The following SNX22 variants were observed in gnomAD, a reference collection of about 807,000 sequenced individuals.
SNX22 encodes sorting nexin-22.
SNX22 carries 23 observed loss-of-function variants against 24.7 expected under a neutral mutation model. The ratio of observed to expected loss-of-function variants is 0.93; its 90% confidence interval spans 0.67 to 1.32. The LOEUF is 1.32. Ranked by LOEUF, SNX22 falls within the 40% of genes most tolerant of loss-of-function variation. SNX22 has a pLI of 0.00. For synonymous variants in SNX22, 99 were observed against 104.0 expected (o/e 0.95, Z 0.29); for missense variants, 261 against 249.9 (o/e 1.04, Z -0.30).
chr15:64,153,202 T>C, intron 3 of SNX22, 43 bp from the exon 4 acceptor site: 4 of 1,611,680 alleles, frequency 2.5e-6, no homozygotes, highest in Non-Finnish European at 3.4e-6. Context: ...GCTATGCAAA[T>C]TAGTAGCTGG....
In SNX22 at chr15:64,153,732, G is replaced by C. The variant is rs141560509; in HGVS notation, c.392+48G>C. 2.9e-5 allele frequency: 46 copies of C among 1,613,272 alleles called. No individual in the cohort carries two copies. In the African/African-American group the frequency reaches 4.8e-4, roughly 17 times the overall value. Reference sequence around the variant, plus strand: ...GCTTGGCCCCTGCTGCCCCCTAGTGGCCATATGCTAGGAGGCAGGCCTGCT... The same window carrying C: ...GCTTGGCCCCTGCTGCCCCCTAGTGCCCATATGCTAGGAGGCAGGCCTGCT... On this transcript the variant is annotated intron_variant, in intron 5 of 6. Transcript: ENST00000325881.
chr15:64,155,510 CAAAA>C lies in SNX22; in HGVS notation c.*1023_*1026del, dbSNP rs3056904. On this transcript the variant is annotated 3_prime_UTR_variant, in exon 7 of 7. Transcript: ENST00000325881. Reference sequence around the variant, plus strand: ...GCAACATAGTGAGACCTGTCTCTACCAAAAAAAAAAAAAAAAAAAAAAAATCAAT... The same window carrying C: ...GCAACATAGTGAGACCTGTCTCTACCAAAAAAAAAAAAAAAAAAAATCAAT... 1.8e-4 allele frequency: 23 copies of C among 124,640 alleles called. No individual in the cohort carries two copies. In the South Asian group the frequency reaches 2.6e-3, roughly 14 times the overall value. The allele number at this position is 124,640 out of a possible 1,614,324, so 7.7% of individuals were successfully genotyped here.
rs1450092197 is a variant in SNX22, at chr15:64,152,291, AG to A, written c.126del (p.Arg42SerfsTer52). ...LCSGRRHTVP[R>X]RYSEFHALHK... Reference sequence around the variant, plus strand: ...CAGCGGGCGCAGACACACGGTGCCAAGGCGCTACAGCGAGTTCCACGCGCTG... The same window carrying A: ...CAGCGGGCGCAGACACACGGTGCCAAGCGCTACAGCGAGTTCCACGCGCTG... On this transcript the variant is annotated frameshift_variant, in exon 2 of 7. Coordinates refer to ENST00000325881, the MANE Select transcript of SNX22 (RefSeq NM_024798.3). LOFTEE classifies it high-confidence loss of function. 6.6e-7 allele frequency: 1 copy of A among 1,507,816 alleles called. No individual in the cohort carries two copies. The highest frequency in any genetic ancestry group is 8.8e-7 in the Non-Finnish European group (1 of 1,136,534). 93.4% of individuals were successfully genotyped at this position (1,507,816 alleles called of 1,614,324 possible). A position where few individuals can be genotyped will look rare whatever the true frequency, so the allele number is the denominator to read the frequency against.
In SNX22 at chr15:64,154,374, T is replaced by A. The variant is rs972331619; in HGVS notation, c.461-13T>A. ...CAGGTCTGAGGCCAGACCTGTTTAA[T>A]TCTATCCCACAGAGTCGCTGCCCAA... On this transcript the variant is annotated splice_polypyrimidine_tract_variant and intron_variant, in intron 6 of 6. Transcript: ENST00000325881. 3.1e-6 allele frequency: 5 copies of A among 1,614,110 alleles called. 1 individual carries two copies. The East Asian group carries it at 1.1e-4, about 36-fold the overall frequency.
rs770859303 is a variant in SNX22, at chr15:64,152,630, T to A, written c.160-8T>A. 7.4e-6 allele frequency: 12 copies of A among 1,613,400 alleles called. No individual in the cohort carries two copies. The South Asian group carries it at 1.3e-4, about 18-fold the overall frequency. On this transcript the variant is annotated splice_polypyrimidine_tract_variant and splice_region_variant and intron_variant, in intron 2 of 6. Transcript: ENST00000325881. The stretch of plus-strand genomic sequence containing the variant: ...ATGCTGTGATCGCACGCGGTAAACC[T>A]CCAGTAGATCAAGAAGCTGTACAAA...
chr15:64,152,817 C>A, intron 3 of SNX22, 75 bp downstream of exon 3: 2 of 1,370,842 alleles, frequency 1.5e-6, no homozygotes, highest in Non-Finnish European at 2.1e-6. Flanking sequence ...GGTGTGGGGG[C>A]ATGGCAGGGA....
rs2081532927 is a variant in SNX22 at position 64,156,528 on chromosome 15, G to A, written c.*2020G>A. The A allele has an allele frequency of 6.9e-6, 5 of 721,248 alleles. No individual in the cohort carries two copies. The East Asian group carries it at 1.0e-4, about 15-fold the overall frequency. The allele number at this position is 721,248 out of a possible 1,614,324, so 44.7% of individuals were successfully genotyped here. A position where few individuals can be genotyped will look rare whatever the true frequency, so the allele number is the denominator to read the frequency against. ...GGCAGTTGTGCAGCCTTCCTGGCTG[G>A]GCTCTGAGGGGGCTGGAAGAATTTA... On this transcript the variant is annotated 3_prime_UTR_variant, in exon 7 of 7. Coordinates refer to ENST00000325881, the MANE Select transcript of SNX22 (RefSeq NM_024798.3). The surrounding 1 kb of genome is among the most constrained non-coding windows in gnomAD (Gnocchi z 6.4).
At chr15:64,153,831 C>A (rs2140177428) in intron 5 of SNX22, 104 bp from the exon 6 acceptor site, 1 of 1,593,068 alleles carries the variant, frequency 6.3e-7, no homozygotes, top group South Asian at 1.1e-5. Flanking sequence ...TCCCACTCAC[C>A]TTTTCCTTCA....
In SNX22 at chr15:64,156,542, T is replaced by A. The variant is rs530310624; in HGVS notation, c.*2034T>A. On this transcript the variant is annotated 3_prime_UTR_variant, in exon 7 of 7. Coordinates refer to ENST00000325881, the MANE Select transcript of SNX22 (RefSeq NM_024798.3). This position sits in a 1 kb window ranked among gnomAD's most constrained non-coding sequence, Gnocchi z 6.4. Reference sequence around the variant, plus strand: ...CTTCCTGGCTGGGCTCTGAGGGGGCTGGAAGAATTTAGAACCTTGGAGGCA... The same window carrying A: ...CTTCCTGGCTGGGCTCTGAGGGGGCAGGAAGAATTTAGAACCTTGGAGGCA... 1 of 796,566 alleles carries A rather than the reference T, an allele frequency of 1.3e-6. No homozygotes were observed. The highest frequency in any genetic ancestry group is 1.7e-5 in the African/African-American group (1 of 59,194). The allele number at this position is 796,566 out of a possible 1,614,324, so 49.3% of individuals were successfully genotyped here. A position where few individuals can be genotyped will look rare whatever the true frequency, so the allele number is the denominator to read the frequency against.
intron 2 of SNX22, 68 bp downstream of exon 2, chr15:64,152,394 A>AGGCG: frequency 2.1e-6 from 3 of 1,439,394 alleles, no homozygotes; most frequent in Non-Finnish European, 2.8e-6. Flanking sequence ...AGGCCCTGTG[A>AGGCG]GGCGGGCGGG....
intron 4 of SNX22, 43 bp downstream of exon 4, chr15:64,153,382 A>G: frequency 6.2e-7 from 1 of 1,611,900 alleles, no homozygotes; most frequent in Non-Finnish European, 8.5e-7. Flanking sequence ...GTCAGCAGTG[A>G]GCAGGTGAGG....
intron 6 of SNX22, 120 bp downstream of exon 6, chr15:64,154,122 T>A: frequency 1.2e-6 from 2 of 1,606,428 alleles, no homozygotes; most frequent in Non-Finnish European, 1.7e-6. Context: ...CACTACCTCC[T>A]GCTCCTGTCC....
chr15:64,152,442 T>G, intron 2 of SNX22, 116 bp downstream of exon 2: 2 of 1,285,050 alleles, frequency 1.6e-6, no homozygotes, highest in Non-Finnish European at 2.1e-6. Flanking sequence ...ACTGCCTCAG[T>G]CCCTGCGCAG....
chr15:64,152,153 C>A, intron 1 of SNX22, 90 bp from the exon 2 acceptor site: 3 of 1,216,284 alleles, frequency 2.5e-6, no homozygotes, highest in Non-Finnish European at 2.1e-6. Flanking sequence ...CCTTTGAGAG[C>A]GGGAGGGTGG....
chr15:64,153,648 TC>T lies in SNX22; in HGVS notation c.360-3del. 3.1e-6 allele frequency: 5 copies of T among 1,614,064 alleles called. No homozygotes were observed. Among genetic ancestry groups the T allele is most frequent in the Non-Finnish European group, 4.2e-6 (5 of 1,180,000 alleles). On this transcript the variant is annotated splice_region_variant and splice_polypyrimidine_tract_variant and intron_variant, in intron 4 of 6. Coordinates refer to ENST00000325881, the MANE Select transcript of SNX22 (RefSeq NM_024798.3). ...GCAGCTTACAGTGTTTCTCTTCTCTTCAGCACCCTGAGGGAGTTCCTGCCTG... is the reference window on the plus strand; with the variant it reads ...GCAGCTTACAGTGTTTCTCTTCTCTTAGCACCCTGAGGGAGTTCCTGCCTG...
chr15:64,154,424 G>A lies in SNX22; in HGVS notation c.498G>A (p.Gln166=). 6.2e-7 allele frequency: 1 copy of A among 1,614,140 alleles called. No individual in the cohort carries two copies. Among genetic ancestry groups the A allele is most frequent in the Non-Finnish European group, 8.5e-7 (1 of 1,180,002 alleles). Residue 166 remains glutamine, a synonymous_variant, in exon 7 of 7, where the codon CAG becomes CAA. Coordinates refer to ENST00000325881, the MANE Select transcript of SNX22 (RefSeq NM_024798.3). ...ACGTGGTGGTGAATGGTGTGCTCCA[G>A]GGCCTCTACAGCTTCAGCATCAGCC... ...LPNVVVNGVL[Q]GLYSFSISPD...
In SNX22 at chr15:64,152,677, C is replaced by A; in HGVS notation, c.199C>A (p.Arg67Ser). The A allele has an allele frequency of 6.2e-7, 1 of 1,614,218 alleles. No homozygotes were observed. Among genetic ancestry groups the A allele is most frequent in the Non-Finnish European group, 8.5e-7 (1 of 1,180,036 alleles). ...CAAAGTGCCCGACTTCCCCTCGAAA[C>A]GCCTGCCCAACTGGAGGACCAGAGG... ...LYKVPDFPSKRLPNWRTRGLE... is the reference protein window; with the variant it reads ...LYKVPDFPSKSLPNWRTRGLE... Residue 67 changes from arginine (R) to serine (S), a missense_variant, in exon 3 of 7, where the codon CGC (arginine) becomes AGC (serine). Coordinates refer to ENST00000325881, the MANE Select transcript of SNX22 (RefSeq NM_024798.3).
In SNX22 at chr15:64,156,097, G is replaced by A. The variant is rs1251117783; in HGVS notation, c.*1589G>A. 3 of 1,614,076 alleles carry A rather than the reference G, an allele frequency of 1.9e-6. No individual in the cohort carries two copies. Among genetic ancestry groups the A allele is most frequent in the Non-Finnish European group, 2.5e-6 (3 of 1,180,036 alleles). On this transcript the variant is annotated 3_prime_UTR_variant, in exon 7 of 7. Coordinates refer to ENST00000325881, the MANE Select transcript of SNX22 (RefSeq NM_024798.3). The surrounding 1 kb of genome is among the most constrained non-coding windows in gnomAD (Gnocchi z 6.4). Reference sequence around the variant, plus strand: ...TCTGCGATGATCACATCCTTCAGGGGTTTATCCCGGCTGTCTGTCTTGGTG... The same window carrying A: ...TCTGCGATGATCACATCCTTCAGGGATTTATCCCGGCTGTCTGTCTTGGTG...
Position 64,156,175 on chromosome 15 carries a change from A to T in SNX22, c.*1667A>T, listed in dbSNP as rs758291391. On this transcript the variant is annotated 3_prime_UTR_variant, in exon 7 of 7. Coordinates refer to ENST00000325881, the MANE Select transcript of SNX22 (RefSeq NM_024798.3). This position sits in a 1 kb window ranked among gnomAD's most constrained non-coding sequence, Gnocchi z 6.4. ...AAAAGAAAGGTGGAAGCAGGAGGGC[A>T]TGGTGGATCAGGAGGTCCACCGCTC... is the stretch of plus-strand genomic sequence containing the variant. The T allele has an allele frequency of 1.2e-6, 2 of 1,613,302 alleles. No individual in the cohort carries two copies. The highest frequency in any genetic ancestry group is 1.3e-5 in the African/African-American group (1 of 74,906).
Sources: allele counts gnomAD v4.1 joint callset, GRCh38; gene constraint gnomAD v4.1.1; non-coding constraint Gnocchi (gnomAD v3.1); transcripts MANE v1.5; gene names NCBI Gene and HGNC (gene_info 2026-07-23, HGNC 2026-07-21).